USP4: variants seen among roughly 807,000 people sequenced by gnomAD.
USP4 encodes the protein ubiquitin carboxyl-terminal hydrolase 4.
USP4 carries 72 observed loss-of-function variants against 118.2 expected under a neutral mutation model. That is an observed-to-expected ratio of 0.61 (90% CI 0.50 to 0.74). The LOEUF is 0.74. USP4 is among the 30% of genes least tolerant of loss of function. The probability of loss-of-function intolerance (pLI) is 0.00; values close to 1 mark genes in which losing one functional copy is unlikely to be tolerated. For synonymous variants in USP4, 415 were observed against 440.4 expected (o/e 0.94, Z 0.72); for missense variants, 1,037 against 1,185.7 (o/e 0.87, Z 1.84).
intron 10 of USP4, among the ~76,000 whole-genome samples, chr3:49,301,722 T>G (rs949270750): frequency 2.0e-5 from 3 of 151,998 alleles, no homozygotes; most frequent in African/African-American, 7.2e-5. Context: ...AAAAATAAAG[T>G]TTTTATCTAT....
At chr3:49,329,792 T>C (rs1005219721) in intron 2 of USP4, among the ~76,000 whole-genome samples, 2 of 152,284 alleles carry the variant, frequency 1.3e-5, no homozygotes, top group East Asian at 1.9e-4. Context: ...GGAGAATCAC[T>C]ATCTATGGCA....
At position 49,278,552 on chromosome 3, in the gene USP4, T is replaced by C. The variant is rs1251834768; in HGVS notation, c.2734-101A>G. On this transcript the variant is annotated intron_variant, in intron 21 of 21. Coordinates refer to ENST00000265560, the MANE Select transcript of USP4 (RefSeq NM_003363.4). ...CCAAAACCCTCAAGGATCTGCCATA[T>C]CCACACAGAGGAGACCCTTCCACCT... 6 of 1,422,398 alleles carry C rather than the reference T, an allele frequency of 4.2e-6. No individual in the cohort carries two copies. The East Asian group carries it at 1.1e-4, about 27-fold the overall frequency. The allele number at this position is 1,422,398 out of a possible 1,614,324, so 88.1% of individuals were successfully genotyped here. A position where few individuals can be genotyped will look rare whatever the true frequency, so the allele number is the denominator to read the frequency against.
intron 13 of USP4, among the ~76,000 whole-genome samples, chr3:49,295,707 C>T (rs1361138819): frequency 1.4e-5 from 2 of 148,074 alleles, no homozygotes; most frequent in Non-Finnish European, 3.0e-5. Flanking sequence ...CGTGTGCGCG[C>T]GCGCGCGCAC....
At chr3:49,279,999 C>T (rs1471418376) in intron 20 of USP4, among the ~76,000 whole-genome samples, 1 of 152,200 alleles carries the variant, frequency 6.6e-6, no homozygotes, top group Non-Finnish European at 1.5e-5. Flanking sequence ...CGGTGACTCA[C>T]ACCTGTGATC....
chr3:49,291,125 C>T (rs575795442), intron 15 of USP4, among the ~76,000 whole-genome samples: 52 of 152,006 alleles, frequency 3.4e-4, no homozygotes, highest in Admixed American at 1.0e-3. Context: ...CCCACCACCA[C>T]GCCTAATTTT....
In USP4 at chr3:49,278,907, C is replaced by A; in HGVS notation, c.2645-5G>T. ...TGTTCTTCGCATATGCAGTGTCTGCCAAGTCAACAAAGAAAATACTCTAGC... is the reference window on the plus strand; with the variant it reads ...TGTTCTTCGCATATGCAGTGTCTGCAAAGTCAACAAAGAAAATACTCTAGC... On this transcript the variant is annotated splice_region_variant and splice_polypyrimidine_tract_variant and intron_variant, in intron 20 of 21. Transcript: ENST00000265560. 6.3e-7 allele frequency: 1 copy of A among 1,599,718 alleles called. No homozygotes were observed. The highest frequency in any genetic ancestry group is 1.1e-5 in the South Asian group (1 of 89,240).
chr3:49,295,632 T>C (rs898942395), intron 13 of USP4, among the ~76,000 whole-genome samples: 5 of 151,704 alleles, frequency 3.3e-5, no homozygotes, highest in African/African-American at 1.2e-4. Context: ...GACTGTAGTC[T>C]TTCCCTCTTC....
rs2046974782 is a variant in USP4 at position 49,277,384 on chromosome 3, G to T, written c.*909C>A. 5.1e-5 allele frequency: 24 copies of T among 467,454 alleles called. No individual in the cohort carries two copies. Among genetic ancestry groups the T allele is most frequent in the South Asian group, 4.6e-4 (23 of 49,682 alleles). The allele number at this position is 467,454 out of a possible 1,614,324, so 29.0% of individuals were successfully genotyped here. A position where few individuals can be genotyped will look rare whatever the true frequency, so the allele number is the denominator to read the frequency against. On this transcript the variant is annotated 3_prime_UTR_variant, in exon 22 of 22. Transcript: ENST00000265560. ...CGGGGCTTTCGAATGGGGGCCCCGG[G>T]AAGAGTCTTGGCAGGGATGAGGAAA...
intron 15 of USP4, among the ~76,000 whole-genome samples, chr3:49,286,596 CTGCCATCCTGTCTACTGGCCA>C (rs2047092571): frequency 6.6e-6 from 1 of 152,132 alleles, no homozygotes; most frequent in African/African-American, 2.4e-5. Flanking sequence ...TTCAGAAGCC[CTGCCATCCTGTCTACTGGCCA>C]TCACAGCACA....
Position 49,302,434 on chromosome 3 carries a change from T to C in USP4, c.1237A>G (p.Lys413Glu). 1.2e-6 allele frequency: 2 copies of C among 1,614,140 alleles called. No individual in the cohort carries two copies. Among genetic ancestry groups the C allele is most frequent in the Non-Finnish European group, 1.7e-6 (2 of 1,180,032 alleles). ...DGLHEDLNRV[K>E]KKPYLELKDA... ...TTCAGCTCCAAGTAGGGCTTTTTCT[T>C]TACCCGGTTCAGATCTTCATGCAAT... Residue 413 changes from lysine to glutamate, a missense_variant, in exon 10 of 22, where the codon AAG becomes GAG. Lys to Glu is a moderately conservative substitution (Grantham distance 56, BLOSUM62 1). Transcript: ENST00000265560.
At position 49,305,787 on chromosome 3, in the gene USP4, T is replaced by G. The variant is rs915974180; in HGVS notation, c.1056A>C (p.Ala352=). 3.1e-6 allele frequency: 5 copies of G among 1,614,048 alleles called. No homozygotes were observed. The East Asian group carries it at 1.1e-4, about 36-fold the overall frequency. ...GCTTAATGAGTTCAGCATAGGCTTC[T>G]GCAATTTCCCCTTTCATCCCCAGAG... ...DNPLGMKGEI[A]EAYAELIKQM... The change falls in exon 9 of 22, where the codon GCA becomes GCC. Residue 352 remains alanine, a synonymous_variant. Coordinates refer to ENST00000265560, the MANE Select transcript of USP4 (RefSeq NM_003363.4).
intron 14 of USP4, among the ~76,000 whole-genome samples, chr3:49,293,063 G>A (rs1337144081): frequency 2.0e-5 from 3 of 151,792 alleles, no homozygotes; most frequent in Non-Finnish European, 4.4e-5. Flanking sequence ...ATAACACAGT[G>A]GCTCAATATT....
chr3:49,298,148 A>G (rs1157989538), intron 12 of USP4, among the ~76,000 whole-genome samples, 184 bp from the exon 13 acceptor site: 4 of 152,244 alleles, frequency 2.6e-5, no homozygotes, highest in African/African-American at 9.6e-5. Flanking sequence ...CATGGCTGCC[A>G]TCAGAATTGA....
In USP4 at chr3:49,286,088, A is replaced by G; in HGVS notation, c.2200+10T>C. The G allele has an allele frequency of 1.9e-6, 3 of 1,613,786 alleles. No homozygotes were observed. Among genetic ancestry groups the G allele is most frequent in the Non-Finnish European group, 2.5e-6 (3 of 1,179,726 alleles). ...AAAGCCCAGCTTGAAAGGTCAGAAA[A>G]AGTGCTTACAGTTGAGTTTAAGTAG... On this transcript the variant is annotated intron_variant, in intron 16 of 21. Coordinates refer to ENST00000265560, the MANE Select transcript of USP4 (RefSeq NM_003363.4).
At chr3:49,295,298 A>AAAAAAAAAAAAAAAAAAAT in intron 13 of USP4, among the ~76,000 whole-genome samples, 1 of 149,440 alleles carries the variant, frequency 6.7e-6, no homozygotes, top group Non-Finnish European at 1.5e-5. Context: ...CAAAAAAAAA[A>AAAAAAAAAAAAAAAAAAAT]AAAAAAAAAA....
chr3:49,319,070 T>C (rs1370227997), intron 6 of USP4, among the ~76,000 whole-genome samples: 1 of 149,058 alleles, frequency 6.7e-6, no homozygotes, highest in Non-Finnish European at 1.5e-5. Flanking sequence ...GGCTCACACC[T>C]GTAATTCCAC....
At chr3:49,300,433 G>A (rs765341647) in intron 11 of USP4, 34 bp downstream of exon 11, 1 of 1,596,756 alleles carries the variant, frequency 6.3e-7, no homozygotes, top group Non-Finnish European at 8.6e-7. Context: ...ACCACTTGCA[G>A]TGAGGGGTGC....
chr3:49,306,913 T>C (rs2047324727), intron 8 of USP4, among the ~76,000 whole-genome samples: 1 of 151,580 alleles, frequency 6.6e-6, no homozygotes, highest in Admixed American at 6.6e-5. Flanking sequence ...GCCTCCCGAG[T>C]AGCTGGGATT....
rs777190330 is a variant in USP4 at position 49,286,240 on chromosome 3, T to G, written c.2058A>C (p.Gly686=). 1 of 1,614,180 alleles carries G rather than the reference T, an allele frequency of 6.2e-7. No individual in the cohort carries two copies. The highest frequency in any genetic ancestry group is 1.1e-5 in the South Asian group (1 of 91,084). Residue 686 remains glycine (G), a synonymous_variant, in exon 16 of 22, where the codon GGA becomes GGC. Coordinates refer to ENST00000265560, the MANE Select transcript of USP4 (RefSeq NM_003363.4). ...TTTGGGTGGTCTCACTGGGGTCATT[T>G]CCTGGCTCATCTTCCCCACTGCCTT... ...ETEGSGEDEP[G]NDPSETTQKK...
Sources: gnomAD v4.1 joint callset for allele counts (sites outside exome capture counted in the v4.1 genomes callset) on GRCh38, gnomAD v4.1.1 for gene constraint, MANE v1.5 for transcripts, NCBI Gene and HGNC (gene_info 2026-07-23, HGNC 2026-07-21) for gene names.